The following GBF1 variants were observed in gnomAD, a reference collection of about 807,000 sequenced individuals.
GBF1 encodes the protein Golgi-specific brefeldin A-resistance guanine nucleotide exchange factor 1.
GBF1 carries 114 observed loss-of-function variants against 210.5 expected under a neutral mutation model. The observed-to-expected ratio is 0.54, with a 90% confidence interval of 0.47 to 0.63. The LOEUF (loss-of-function observed/expected upper bound fraction) is 0.63. GBF1 is among the 30% of genes least tolerant of loss of function. The pLI is 0.00. For missense variants in GBF1, 1,851 were observed against 2,357.7 expected, an observed-to-expected ratio of 0.79 and a Z score of 4.45; for synonymous variants, 850 against 889.2, an observed-to-expected ratio of 0.96 and a Z score of 0.78.
chr10:102,379,315 G>T lies in GBF1; in HGVS notation c.4526G>T (p.Arg1509Leu), dbSNP rs377665449. ...GACCTGATGCACACCCTGCACACGC[G>T]GGCAGCCTCTATCTACAGCTCATGG... ...LLDLMHTLHT[R>L]AASIYSSWAE... Residue 1509 changes from arginine to leucine, a missense_variant, in exon 34 of 40, where the codon CGG (arginine) becomes CTG (leucine). Arg to Leu is a moderately radical substitution (Grantham distance 102, BLOSUM62 -2). Transcript: ENST00000369983. 6.2e-7 allele frequency: 1 copy of T among 1,613,774 alleles called. No homozygotes were observed. The highest frequency in any genetic ancestry group is 1.7e-5 in the Admixed American group (1 of 60,004).
intron 3 of GBF1, among the ~76,000 whole-genome samples, chr10:102,308,715 G>C (rs1316583971): frequency 1.3e-5 from 2 of 148,782 alleles, no homozygotes; most frequent in Non-Finnish European, 3.0e-5. Flanking sequence ...TCACACTCTG[G>C]GGACTGTTGT....
At chr10:102,345,315 A>G (rs1397645316) in intron 4 of GBF1, among the ~76,000 whole-genome samples, 1 of 151,688 alleles carries the variant, frequency 6.6e-6, no homozygotes. Context: ...ATAAAATGAA[A>G]TAAAAATAGG....
chr10:102,296,619 G>A (rs929217192), intron 3 of GBF1, among the ~76,000 whole-genome samples: 1 of 152,076 alleles, frequency 6.6e-6, no homozygotes, highest in African/African-American at 2.4e-5. Context: ...GCGGATGCCT[G>A]TAATCCCAGC....
At chr10:102,308,703 C>A (rs2078139817) in intron 3 of GBF1, among the ~76,000 whole-genome samples, 1 of 137,382 alleles carries the variant, frequency 7.3e-6, no homozygotes, top group Non-Finnish European at 1.5e-5. Flanking sequence ...GGAAGGGGAA[C>A]ATCACACTCT....
rs2060765960 is a variant in GBF1 at position 102,380,296 on chromosome 10, G to A, written c.4926G>A (p.Ala1642=). The A allele has an allele frequency of 3.1e-6, 5 of 1,613,904 alleles. No individual in the cohort carries two copies. The highest frequency in any genetic ancestry group is 2.2e-5 in the East Asian group (1 of 44,888). Residue 1642 remains alanine, a synonymous_variant, in exon 37 of 40, where the codon GCG becomes GCA. Transcript: ENST00000369983. ...CACTGCTGTCACTCTCTACCTTTGC[G>A]GCCCTCTGGCTCACCATCTTGGACT... ...LSPLLSLSTF[A]ALWLTILDFM...
rs1163593901 is a variant in GBF1, at chr10:102,382,196, G to A, written c.5443G>A (p.Ala1815Thr). ...GCCCCCACTGATCCTGCAGCCCTTG[G>A]CCTCCCCACTGCAGGTGGGCGTGCC... is the stretch of plus-strand genomic sequence containing the variant. ...AQPPLILQPLASPLQVGVPPM... is the reference protein window; with the variant it reads ...AQPPLILQPLTSPLQVGVPPM... Residue 1815 changes from alanine (A) to threonine (T), a missense_variant, in exon 40 of 40, where the codon GCC (alanine) becomes ACC (threonine). Physicochemically the swap from Ala to Thr is moderately conservative, Grantham distance 58. This residue lies in a region of GBF1 where 967 missense variants were observed against 1,247.7 expected (regional missense o/e 0.78). Transcript: ENST00000369983. 1 of 1,614,044 alleles carries A rather than the reference G, an allele frequency of 6.2e-7. No homozygotes were observed. Among genetic ancestry groups the A allele is most frequent in the South Asian group, 1.1e-5 (1 of 91,056 alleles).
chr10:102,343,991 T>A, intron 3 of GBF1, 60 bp from the exon 4 acceptor site: 1 of 1,487,744 alleles, frequency 6.7e-7, no homozygotes, highest in Non-Finnish European at 9.4e-7. Context: ...CAAGAAACTT[T>A]TTCCAGGGTT....
the GBF1 span, among the ~76,000 whole-genome samples, chr10:102,231,372 G>A: frequency 1.3e-5 from 2 of 152,198 alleles, no homozygotes; most frequent in South Asian, 4.1e-4. Flanking sequence ...GACGGTGTCA[G>A]GGCCGAAGAA....
intron 8 of GBF1, among the ~76,000 whole-genome samples, chr10:102,354,228 G>A (rs2059162614): frequency 6.6e-6 from 1 of 152,146 alleles, no homozygotes; most frequent in South Asian, 2.1e-4. Context: ...GTCTACCTAT[G>A]GAGATGACCC....
intron 1 of GBF1, among the ~76,000 whole-genome samples, chr10:102,257,742 A>G (rs959103529): frequency 6.6e-6 from 1 of 152,052 alleles, no homozygotes; most frequent in African/African-American, 2.4e-5. Context: ...TAGATTAAAA[A>G]GAACAAAGGG....
At chr10:102,305,275 C>G (rs983468561) in intron 3 of GBF1, among the ~76,000 whole-genome samples, 1 of 151,320 alleles carries the variant, frequency 6.6e-6, no homozygotes, top group South Asian at 2.1e-4. Context: ...TAAGAGGTAC[C>G]ACTGTACTTC....
intron 1 of GBF1, among the ~76,000 whole-genome samples, chr10:102,254,765 A>G (rs1392804586): frequency 1.3e-5 from 2 of 152,242 alleles, no homozygotes; most frequent in African/African-American, 4.8e-5. Flanking sequence ...GTGTGGGTAC[A>G]TAATGAATGT....
At chr10:102,333,528 T>C (rs1183789420) in intron 3 of GBF1, among the ~76,000 whole-genome samples, 5 of 151,574 alleles carry the variant, frequency 3.3e-5, no homozygotes, top group African/African-American at 1.2e-4. Context: ...TAGAATGCAA[T>C]GGTATGATCA....
At position 102,380,156 on chromosome 10, in the gene GBF1, A is replaced by G. The variant is rs984422490; in HGVS notation, c.4879-93A>G. On this transcript the variant is annotated intron_variant, in intron 36 of 39. Transcript: ENST00000369983. Reference sequence around the variant, plus strand: ...CCTCCATCTCTGATCTAAGATTCTCATGCAAGATAGGACAGGCTTAGCTAC... The same window carrying G: ...CCTCCATCTCTGATCTAAGATTCTCGTGCAAGATAGGACAGGCTTAGCTAC... The G allele has an allele frequency of 9.5e-6, 8 of 842,692 alleles. No individual in the cohort carries two copies. In the African/African-American group the frequency reaches 1.3e-4, roughly 14 times the overall value. 52.2% of individuals were successfully genotyped at this position (842,692 alleles called of 1,614,324 possible).
chr10:102,230,734 A>C, the GBF1 span: 1 of 1,502,264 alleles, frequency 6.7e-7, no homozygotes, highest in Non-Finnish European at 8.9e-7. Context: ...CCCGGAGGAC[A>C]CGGCGGCCGG....
intron 8 of GBF1, among the ~76,000 whole-genome samples, chr10:102,355,421 T>C (rs1229570664): frequency 6.6e-6 from 1 of 152,214 alleles, no homozygotes; most frequent in East Asian, 1.9e-4. Flanking sequence ...CACTGTCCTT[T>C]GGAGTACAGA....
intron 7 of GBF1, 91 bp from the exon 8 acceptor site, chr10:102,353,509 C>G: frequency 1.2e-6 from 1 of 858,914 alleles, no homozygotes; most frequent in Non-Finnish European, 2.0e-6. Flanking sequence ...AGGGCATGCT[C>G]TGGCTCAGAG....
At position 102,360,185 on chromosome 10, in the gene GBF1, C is replaced by T. The variant is rs768485789; in HGVS notation, c.1182C>T (p.Gly394=). ...CACTCTCCTCCTGGCCTTCCCCAGG[C>T]ACAGCTTTGGTCCCCTATGGTCTTC... ...VRFTQSSQKE[G]TALVPYGLPC... The change falls in exon 12 of 40, where the codon GGC becomes GGT. Residue 394 remains glycine (G), a splice_region_variant and synonymous_variant. Transcript: ENST00000369983. 6.2e-7 allele frequency: 1 copy of T among 1,608,370 alleles called. No homozygotes were observed. The highest frequency in any genetic ancestry group is 8.5e-7 in the Non-Finnish European group (1 of 1,174,770).
At chr10:102,378,885 G>A (rs1018729962) in intron 33 of GBF1, among the ~76,000 whole-genome samples, 1 of 152,070 alleles carries the variant, frequency 6.6e-6, no homozygotes, top group Admixed American at 6.6e-5. Context: ...AGCGAGCCGT[G>A]ATTGTGCCAC....
Sources: allele counts gnomAD v4.1 joint callset (sites outside exome capture counted in the v4.1 genomes callset), GRCh38; gene constraint gnomAD v4.1.1; regional missense constraint gnomAD v4.1.1; transcripts MANE v1.5; gene names NCBI Gene and HGNC (gene_info 2026-07-23, HGNC 2026-07-21).